Variants in SATB2 observed in about 807,000 individuals in gnomAD.
SATB2 encodes the protein DNA-binding protein SATB2.
A neutral mutation model predicts 73.4 loss-of-function variants in SATB2; 1 was observed. The ratio of observed to expected loss-of-function variants is 0.01; its 90% CI spans 0.00 to 0.06. SATB2 has a LOEUF of 0.06. Among genes scored for constraint, SATB2 ranks in the 10% least tolerant of loss-of-function variants. SATB2 has a pLI of 1.00. For synonymous variants in SATB2, 397 were observed against 367.0 expected (o/e 1.08, Z -0.93); for missense variants, 459 against 945.8 (o/e 0.49, Z 6.75).
At position 199,349,076 on chromosome 2, in the gene SATB2, T is replaced by C. The variant is rs1318346851; in HGVS notation, c.798A>G (p.Lys266=). Residue 266 remains lysine (K), a synonymous_variant, in exon 7 of 11, where the codon AAA becomes AAG. Transcript: ENST00000417098. ...PNMNQLASLG[K]TNEQSPHSQI... is the part of the protein sequence containing the mutation. ...GGCTGTGAGGAGACTGTTCGTTGGT[T>C]TTCCCCAGGGATGCCAGCTGGTTCA... is the stretch of plus-strand genomic sequence containing the variant. 1 of 1,614,066 alleles carries C rather than the reference T, an allele frequency of 6.2e-7. No homozygotes were observed. The highest frequency in any genetic ancestry group is 1.7e-5 in the Admixed American group (1 of 60,002).
intron 6 of SATB2, among the ~76,000 whole-genome samples, chr2:199,356,283 G>A (rs1317260767): frequency 2.7e-5 from 4 of 148,638 alleles, no homozygotes; most frequent in South Asian, 2.2e-4. Flanking sequence ...ATTTCTCTAC[G>A]ATTCTTTCAA....
At chr2:199,431,480 A>G (rs16831493) in intron 3 of SATB2, among the ~76,000 whole-genome samples, 2,793 of 152,318 alleles carry the variant, frequency 0.018, 89 homozygotes, top group African/African-American at 0.063. Context: ...TGTACTCTAG[A>G]GCACCTTAAG....
chr2:199,418,016 G>A (rs1691045512), intron 3 of SATB2, among the ~76,000 whole-genome samples: 1 of 152,258 alleles, frequency 6.6e-6, no homozygotes, highest in Admixed American at 6.5e-5. Flanking sequence ...AAAAGAAATT[G>A]ACACACTGTA....
intron 3 of SATB2, among the ~76,000 whole-genome samples, chr2:199,413,750 C>T (rs1189448071): frequency 6.6e-6 from 1 of 152,122 alleles, no homozygotes; most frequent in Non-Finnish European, 1.5e-5. Flanking sequence ...TCTTTCCCTA[C>T]CCTCTTCCTG....
chr2:199,326,908 G>C (rs1258741599), intron 8 of SATB2, among the ~76,000 whole-genome samples: 1 of 152,038 alleles, frequency 6.6e-6, no homozygotes, highest in Non-Finnish European at 1.5e-5. Flanking sequence ...GGCAGTGCAT[G>C]ATAGAAAGTA....
chr2:199,377,298 G>C (rs1037169310), intron 5 of SATB2, among the ~76,000 whole-genome samples: 8 of 152,260 alleles, frequency 5.3e-5, no homozygotes, highest in Admixed American at 2.6e-4. Flanking sequence ...AGAATCGCTT[G>C]AACAGGGAGG....
At chr2:199,274,388 G>T (rs963292522) in intron 10 of SATB2, among the ~76,000 whole-genome samples, 1 of 151,978 alleles carries the variant, frequency 6.6e-6, no homozygotes, top group African/African-American at 2.4e-5. Context: ...ATTCATCCTG[G>T]TCTTGAAGGC....
chr2:199,293,649 T>TCCATGATATGCTATTAC (rs372339035), intron 10 of SATB2, among the ~76,000 whole-genome samples: 27 of 152,310 alleles, frequency 1.8e-4, no homozygotes, highest in African/African-American at 5.5e-4. Flanking sequence ...AATGTAATTA[T>TCCATGATATGCTATTAC]CCATGATATG....
chr2:199,466,906 A>C (rs1181417919), upstream of SATB2, among the ~76,000 whole-genome samples: 1 of 152,366 alleles, frequency 6.6e-6, no homozygotes, highest in East Asian at 1.9e-4. Context: ...AAGAACAAGA[A>C]GTGATTTGTC....
intron 3 of SATB2, among the ~76,000 whole-genome samples, chr2:199,417,105 GC>G (rs1197021318): frequency 1.3e-5 from 2 of 150,626 alleles, no homozygotes; most frequent in South Asian, 2.1e-4. Flanking sequence ...AACATGACCT[GC>G]TGTCTTTAGG....
At chr2:199,384,595 C>T (rs896422006) in intron 3 of SATB2, among the ~76,000 whole-genome samples, 2 of 152,180 alleles carry the variant, frequency 1.3e-5, no homozygotes, top group Non-Finnish European at 2.9e-5. Flanking sequence ...GAATAGTAGT[C>T]AAGTGTTAAT....
rs763647963 is a variant in SATB2 at position 199,308,844 on chromosome 2, C to T, written c.1656G>A (p.Arg552=). The T allele has an allele frequency of 3.1e-6, 5 of 1,613,976 alleles. No homozygotes were observed. Among genetic ancestry groups the T allele is most frequent in the East Asian group, 2.2e-5 (1 of 44,882 alleles). ...TTGACTCCTCCTCATAGATGACATC[C>T]CTCTCATGCTGGGGAAGGTTCAGGA... ...RRFLNLPQHE[R]DVIYEEESRH... The change falls in exon 10 of 11, where the codon AGG becomes AGA. Residue 552 remains arginine, a synonymous_variant. Transcript: ENST00000417098. The surrounding 1 kb of genome is among the most constrained non-coding windows in gnomAD (Gnocchi z 4.6).
Position 199,272,864 on chromosome 2 carries a change from T to C in SATB2, c.1741-192A>G, listed in dbSNP as rs1306610104. Reference sequence around the variant, plus strand: ...TCTCACCTACAAAACAGGAGGTTCATAACAGTAGTATTTGCCATCATTTAT... The same window carrying C: ...TCTCACCTACAAAACAGGAGGTTCACAACAGTAGTATTTGCCATCATTTAT... On this transcript the variant is annotated intron_variant, in intron 10 of 10. Coordinates refer to ENST00000417098, the MANE Select transcript of SATB2 (RefSeq NM_001172509.2). The surrounding 1 kb of genome is among the most constrained non-coding windows in gnomAD (Gnocchi z 6.7). 1.3e-5 allele frequency among the ~76,000 whole-genome samples: 2 copies of C among 152,188 alleles called. No homozygotes were observed. The highest frequency in any genetic ancestry group is 2.9e-5 in the Non-Finnish European group (2 of 68,040).
intron 3 of SATB2, chr2:199,397,847 G>A (rs1436904474): frequency 3.9e-5 from 14 of 358,274 alleles, no homozygotes; most frequent in Non-Finnish European, 7.8e-5. Flanking sequence ...CAGCCTAGGC[G>A]ACAAAGAGAG....
intron 7 of SATB2, among the ~76,000 whole-genome samples, chr2:199,339,225 C>T (rs1688432690): frequency 6.6e-6 from 1 of 152,122 alleles, no homozygotes; most frequent in Admixed American, 6.6e-5. Flanking sequence ...TGCCAATTAA[C>T]AACAGATAGT....
intron 6 of SATB2, among the ~76,000 whole-genome samples, chr2:199,357,243 AG>A (rs1325521925): frequency 6.6e-6 from 1 of 152,340 alleles, no homozygotes; most frequent in Admixed American, 6.5e-5. Context: ...CGTATGTGAC[AG>A]GAAGGATGGA....
intron 3 of SATB2, among the ~76,000 whole-genome samples, chr2:199,418,339 GAC>G (rs780142752): frequency 3.3e-5 from 5 of 152,118 alleles, no homozygotes; most frequent in African/African-American, 7.2e-5. Context: ...GATTGTAAAA[GAC>G]ACAGAACTAG....
At chr2:199,370,549 T>C (rs551618277) in intron 5 of SATB2, among the ~76,000 whole-genome samples, 1 of 152,246 alleles carries the variant, frequency 6.6e-6, no homozygotes, top group South Asian at 2.1e-4. Context: ...TATTGCCAAA[T>C]GGTCTAGAAA....
chr2:199,456,206 A>G, intron 1 of SATB2, 110 bp from the exon 2 acceptor site: 1 of 721,340 alleles, frequency 1.4e-6, no homozygotes, highest in Non-Finnish European at 2.3e-6. Flanking sequence ...ACAGCCACAC[A>G]AACTTCCTCC....
Sources: gnomAD v4.1 joint callset for allele counts (sites outside exome capture counted in the v4.1 genomes callset) on GRCh38, gnomAD v4.1.1 for gene constraint, Gnocchi (gnomAD v3.1) non-coding constraint, MANE v1.5 for transcripts, NCBI Gene and HGNC (gene_info 2026-07-23, HGNC 2026-07-21) for gene names.